The following CYRIA variants were observed in gnomAD, a reference collection of about 807,000 sequenced individuals.
The protein encoded by CYRIA is CYFIP related Rac1 interactor A.
CYRIA carries 15 observed loss-of-function variants against 43.9 expected under a neutral mutation model. That is an observed-to-expected ratio of 0.34 (90% CI 0.23 to 0.53). The LOEUF is 0.53. Among genes scored for constraint, CYRIA ranks in the 20% least tolerant of loss-of-function variants. CYRIA has a pLI of 0.94. For missense variants in CYRIA, 236 were observed against 394.2 expected (o/e 0.60, Z 3.40); for synonymous variants, 117 against 136.0 (o/e 0.86, Z 0.97).
rs772076236 is a variant in CYRIA at position 16,565,630 on chromosome 2, G to T, written c.192+16C>A. The T allele has an allele frequency of 6.5e-7, 1 of 1,545,168 alleles. No individual in the cohort carries two copies. The highest frequency in any genetic ancestry group is 8.8e-7 in the Non-Finnish European group (1 of 1,132,028). ...CCTCCTCGGGTGTTGTCAGTTCAGC[G>T]TGATCATTGACATACATCTCGGATC... On this transcript the variant is annotated intron_variant, in intron 4 of 11. Coordinates refer to ENST00000381323, the MANE Select transcript of CYRIA (RefSeq NM_030797.4).
At chr2:16,658,591 G>A (rs1447843289) in intron 1 of CYRIA, among the ~76,000 whole-genome samples, 1 of 152,206 alleles carries the variant, frequency 6.6e-6, no homozygotes, top group African/African-American at 2.4e-5. Context: ...CACTTGTCTG[G>A]ATTTCAGAGA....
rs375590392 is a variant in CYRIA, at chr2:16,626,332, A to C, written c.-166-2313T>G. ...AAAAAATACAGACCCAATCCAGAGC[A>C]GCGGTCAGGAAACTTGTACGGTTAA... On this transcript the variant is annotated intron_variant, in intron 1 of 11. Coordinates refer to ENST00000381323, the MANE Select transcript of CYRIA (RefSeq NM_030797.4). Among the ~76,000 whole-genome samples, 30 of 152,274 alleles carry C rather than the reference A, an allele frequency of 2.0e-4. 1 individual carries two copies. The South Asian group carries it at 3.3e-3, about 17-fold the overall frequency.
chr2:16,554,607 T>A (rs1666436888), intron 11 of CYRIA, among the ~76,000 whole-genome samples: 1 of 152,150 alleles, frequency 6.6e-6, no homozygotes, highest in Non-Finnish European at 1.5e-5. Context: ...GAGATTCCGA[T>A]TCATTTGGTC....
chr2:16,649,031 T>C (rs918492188), intron 1 of CYRIA, among the ~76,000 whole-genome samples: 5 of 151,924 alleles, frequency 3.3e-5, no homozygotes, highest in Admixed American at 1.3e-4. Flanking sequence ...CAGTTCCACA[T>C]CCTTGGAATT....
intron 3 of CYRIA, among the ~76,000 whole-genome samples, chr2:16,573,705 C>T (rs956889149): frequency 9.9e-5 from 15 of 152,120 alleles, no homozygotes; most frequent in African/African-American, 3.6e-4. Context: ...AAGAGGAGTT[C>T]CCCTGCACAA....
chr2:16,586,648 C>CA (rs5829556), intron 3 of CYRIA, among the ~76,000 whole-genome samples: 7,554 of 144,696 alleles, frequency 0.052, 231 homozygotes, highest in African/African-American at 0.086. Context: ...CCAAAGACAC[C>CA]AAAAAAAAAA....
Position 16,588,137 on chromosome 2 carries a change from A to C in CYRIA, c.-10-8T>G. 1 of 1,590,864 alleles carries C rather than the reference A, an allele frequency of 6.3e-7. No individual in the cohort carries two copies. The highest frequency in any genetic ancestry group is 8.6e-7 in the Non-Finnish European group (1 of 1,166,016). On this transcript the variant is annotated splice_polypyrimidine_tract_variant and splice_region_variant and intron_variant, in intron 2 of 11. Transcript: ENST00000381323. ...TTTCCCATCCCAGCAAACCTAGGAA[A>C]GGCAACACAAAACCAAATACCATTA...
chr2:16,583,790 T>C (rs992963218), intron 3 of CYRIA, among the ~76,000 whole-genome samples: 4 of 152,058 alleles, frequency 2.6e-5, no homozygotes, highest in African/African-American at 9.7e-5. Context: ...GAAAAAGAAG[T>C]AGAGGGATGA....
chr2:16,609,110 T>C (rs1211906448), intron 2 of CYRIA, among the ~76,000 whole-genome samples: 1 of 152,186 alleles, frequency 6.6e-6, no homozygotes, highest in Non-Finnish European at 1.5e-5. Context: ...GCCGTGCTCC[T>C]CGCGGATTTC....
intron 10 of CYRIA, among the ~76,000 whole-genome samples, chr2:16,556,627 G>A (rs1230704041): frequency 6.6e-6 from 1 of 152,112 alleles, no homozygotes; most frequent in Non-Finnish European, 1.5e-5. Context: ...TCAGGAGCTG[G>A]GGGCTTTACC....
intron 2 of CYRIA, among the ~76,000 whole-genome samples, chr2:16,608,017 T>A (rs953293780): frequency 6.6e-6 from 1 of 152,190 alleles, no homozygotes; most frequent in South Asian, 2.1e-4. Context: ...TTTGCTGTTG[T>A]GGATTCTTGC....
intron 1 of CYRIA, among the ~76,000 whole-genome samples, chr2:16,647,089 C>T (rs1669843276): frequency 6.6e-6 from 1 of 152,204 alleles, no homozygotes; most frequent in African/African-American, 2.4e-5. Context: ...GTATCCGTAT[C>T]TATCTCCTAT....
intron 1 of CYRIA, among the ~76,000 whole-genome samples, chr2:16,660,612 C>T (rs1217716191): frequency 6.6e-6 from 1 of 152,180 alleles, no homozygotes; most frequent in East Asian, 1.9e-4. Context: ...AGCAAGAACC[C>T]ACCCCGTACA....
chr2:16,566,788 T>A (rs938132508), intron 3 of CYRIA, among the ~76,000 whole-genome samples: 8 of 152,044 alleles, frequency 5.3e-5, no homozygotes, highest in African/African-American at 1.9e-4. Context: ...GGTGGAGAGG[T>A]AGTAAAGATT....
intron 1 of CYRIA, among the ~76,000 whole-genome samples, chr2:16,651,309 T>G (rs1206566724): frequency 6.6e-6 from 1 of 152,234 alleles, no homozygotes; most frequent in Non-Finnish European, 1.5e-5. Context: ...TACTGTCATA[T>G]CAACTACATT....
intron 2 of CYRIA, among the ~76,000 whole-genome samples, chr2:16,608,806 C>T (rs564369899): frequency 4.0e-4 from 61 of 152,304 alleles, no homozygotes; most frequent in African/African-American, 1.3e-3. Context: ...GCCCTTTTAG[C>T]AATAAATCCT....
intron 2 of CYRIA, among the ~76,000 whole-genome samples, chr2:16,614,476 G>A (rs1042584623): frequency 6.6e-5 from 10 of 152,184 alleles, no homozygotes; most frequent in Admixed American, 5.2e-4. Flanking sequence ...CCCTGTCGTC[G>A]GGGTTCCCAG....
chr2:16,627,020 A>T (rs1191791878), intron 1 of CYRIA, among the ~76,000 whole-genome samples: 2 of 150,632 alleles, frequency 1.3e-5, no homozygotes, highest in Non-Finnish European at 2.9e-5. Flanking sequence ...GAGGTGCCTT[A>T]TCCAGAGTCT....
intron 9 of CYRIA, among the ~76,000 whole-genome samples, 164 bp from the exon 10 acceptor site, chr2:16,559,750 C>T (rs573875823): frequency 6.6e-6 from 1 of 152,238 alleles, no homozygotes; most frequent in South Asian, 2.1e-4. Flanking sequence ...GATGATAATT[C>T]TCCTTGAATC....
Sources: gnomAD v4.1 joint callset for allele counts (sites outside exome capture counted in the v4.1 genomes callset) on GRCh38, gnomAD v4.1.1 for gene constraint, MANE v1.5 for transcripts, NCBI Gene and HGNC (gene_info 2026-07-23, HGNC 2026-07-21) for gene names.